The following MYCBP2 variants were observed in gnomAD, a reference collection of about 807,000 sequenced individuals.
The protein encoded by MYCBP2 is E3 ubiquitin-protein ligase MYCBP2.
In MYCBP2, 120 loss-of-function variants were observed where a neutral mutation model predicts 525.3. The ratio of observed to expected loss-of-function variants is 0.23; its 90% CI spans 0.20 to 0.27. The LOEUF (loss-of-function observed/expected upper bound fraction) is 0.27. Ranked by LOEUF, MYCBP2 falls within the 10% of genes least tolerant of loss-of-function variation. The pLI is 1.00. For missense variants in MYCBP2, 4,149 were observed against 5,657.1 expected (o/e 0.73, Z 8.55); for synonymous variants, 1,894 against 1,955.8 (o/e 0.97, Z 0.83).
chr13:77,097,816 C>A lies in MYCBP2; in HGVS notation c.9338G>T (p.Gly3113Val), dbSNP rs758683744. Residue 3113 changes from glycine to valine, a missense_variant, in exon 56 of 83, where the codon GGT (glycine) becomes GTT (valine). This residue lies in a region of MYCBP2 where 653 missense variants were observed against 744.7 expected (regional missense o/e 0.88). Transcript: ENST00000544440. Reference protein sequence around the residue: ...APHGPDISKMGSINKNKVLSM... With the variant: ...APHGPDISKMVSINKNKVLSM... ...CAATACCTTGTTTTTGTTGATGCTA[C>A]CCATCTTAGATATATCTGGTCCATG... 6.2e-7 allele frequency: 1 copy of A among 1,613,660 alleles called. No individual in the cohort carries two copies. Among genetic ancestry groups the A allele is most frequent in the Non-Finnish European group, 8.5e-7 (1 of 1,179,806 alleles).
In MYCBP2 at chr13:77,161,952, T is replaced by C. The variant is rs1566759979; in HGVS notation, c.6551A>G (p.Asn2184Ser). ...MKKDLALPIG[N>S]ELEEDLEILE... ...AATTTCAAGGTCTTCTTCTAATTCA[T>C]TACCTGTTGTGTAAATAAAGAGTTT... Residue 2184 changes from asparagine to serine, a missense_variant, in exon 44 of 83, where the codon AAT becomes AGT. By Grantham distance (46) the Asn-to-Ser change is conservative (BLOSUM62 1). Transcript: ENST00000544440. The C allele has an allele frequency of 2.5e-6, 4 of 1,600,746 alleles. No individual in the cohort carries two copies. The highest frequency in any genetic ancestry group is 1.7e-5 in the Admixed American group (1 of 59,046).
chr13:77,288,479 A>T (rs1393575909), intron 2 of MYCBP2, 103 bp from the exon 3 acceptor site: 1 of 988,756 alleles, frequency 1.0e-6, no homozygotes, highest in African/African-American at 1.6e-5. Flanking sequence ...CTTGCAGAAG[A>T]CACATTATGT....
intron 4 of MYCBP2, among the ~76,000 whole-genome samples, chr13:77,275,215 G>C (rs939992639): frequency 2.6e-5 from 4 of 152,130 alleles, no homozygotes; most frequent in African/African-American, 9.7e-5. Context: ...AAGAAAATAA[G>C]GCTATTTAAA....
In MYCBP2 at chr13:77,326,789, G is replaced by A. The variant is rs1262722760; in HGVS notation, c.-14C>T. 4 of 1,398,498 alleles carry A rather than the reference G, an allele frequency of 2.9e-6. No homozygotes were observed. The highest frequency in any genetic ancestry group is 1.6e-5 in the South Asian group (1 of 62,450). 86.6% of individuals were successfully genotyped at this position (1,398,498 alleles called of 1,614,324 possible). The stretch of plus-strand genomic sequence containing the variant: ...GCACATCATCATCCTCGCCGCCGCC[G>A]CCGCCGCCGCCGCCTCGTCCCCGCG... On this transcript the variant is annotated 5_prime_UTR_variant, in exon 1 of 83. Transcript: ENST00000544440. The surrounding 1 kb of genome is among the most constrained non-coding windows in gnomAD (Gnocchi z 4.2).
At chr13:77,299,543 T>C (rs2078549977) in intron 1 of MYCBP2, among the ~76,000 whole-genome samples, 1 of 152,186 alleles carries the variant, frequency 6.6e-6, no homozygotes, top group African/African-American at 2.4e-5. Context: ...GTATTCAACA[T>C]TGGAAAATTT....
intron 1 of MYCBP2, among the ~76,000 whole-genome samples, chr13:77,308,434 G>C (rs1011428017): frequency 3.3e-5 from 5 of 152,156 alleles, no homozygotes; most frequent in Non-Finnish European, 7.4e-5. Flanking sequence ...TACAAGCTCT[G>C]TCATTTACCA....
At chr13:77,166,591 T>G in intron 40 of MYCBP2, 37 bp from the exon 41 acceptor site, 1 of 1,431,480 alleles carries the variant, frequency 7.0e-7, no homozygotes, top group Non-Finnish European at 9.7e-7. Context: ...AATACAGATA[T>G]ATATATACAC....
At chr13:77,207,447 C>T (rs372689241) in intron 23 of MYCBP2, among the ~76,000 whole-genome samples, 284 of 152,162 alleles carry the variant, frequency 1.9e-3, no homozygotes, top group African/African-American at 6.6e-3. Flanking sequence ...TTTTAGGGGT[C>T]GGGAAGTGAG....
intron 36 of MYCBP2, 47 bp from the exon 37 acceptor site, chr13:77,174,536 G>T (rs1424505726): frequency 6.9e-7 from 1 of 1,454,910 alleles, no homozygotes; most frequent in African/African-American, 1.4e-5. Flanking sequence ...ATGTACAGAG[G>T]ATATATAAAA....
At chr13:77,164,152 G>A (rs1214136466) in intron 43 of MYCBP2, among the ~76,000 whole-genome samples, 3 of 152,044 alleles carry the variant, frequency 2.0e-5, no homozygotes, top group Non-Finnish European at 4.4e-5. Context: ...GAAATATCTA[G>A]AACTTTTGGT....
chr13:77,145,931 C>T (rs753490246), intron 48 of MYCBP2, among the ~76,000 whole-genome samples: 1 of 151,638 alleles, frequency 6.6e-6, no homozygotes, highest in Non-Finnish European at 1.5e-5. Flanking sequence ...ACTTTACATA[C>T]CTATTTTCAC....
At chr13:77,303,169 C>A (rs2078993712) in intron 1 of MYCBP2, among the ~76,000 whole-genome samples, 1 of 152,178 alleles carries the variant, frequency 6.6e-6, no homozygotes, top group South Asian at 2.1e-4. Context: ...ACCGTCTCTA[C>A]TAAAAATACA....
intron 59 of MYCBP2, 117 bp downstream of exon 59, chr13:77,093,048 A>C: frequency 1.0e-6 from 1 of 971,640 alleles, no homozygotes; most frequent in Non-Finnish European, 1.5e-6. Context: ...CTGCTCCAGC[A>C]GTTAGCAAAA....
Position 77,211,900 on chromosome 13 carries a change from T to A in MYCBP2, c.3262+56A>T, listed in dbSNP as rs2064065929. The A allele has an allele frequency of 3.0e-6, 4 of 1,352,206 alleles. No individual in the cohort carries two copies. The South Asian group carries it at 4.9e-5, about 17-fold the overall frequency. 83.8% of individuals were successfully genotyped at this position (1,352,206 alleles called of 1,614,324 possible). A position where few individuals can be genotyped will look rare whatever the true frequency, so the allele number is the denominator to read the frequency against. ...TTCATTAAAGGGAAAGATAAACCAT[T>A]TACTATCAATCAAGACAAGAGTTTG... On this transcript the variant is annotated intron_variant, in intron 22 of 82. Coordinates refer to ENST00000544440, the MANE Select transcript of MYCBP2 (RefSeq NM_015057.5).
intron 3 of MYCBP2, among the ~76,000 whole-genome samples, chr13:77,285,007 T>C (rs1426641369): frequency 6.6e-6 from 1 of 152,234 alleles, no homozygotes; most frequent in Non-Finnish European, 1.5e-5. Context: ...GAAAATTCAG[T>C]ATTAATCACT....
At chr13:77,206,598 A>G (rs961849011) in intron 24 of MYCBP2, 55 bp downstream of exon 24, 6 of 1,431,022 alleles carry the variant, frequency 4.2e-6, no homozygotes, top group Non-Finnish European at 5.6e-6. Flanking sequence ...CTAAAAAAAA[A>G]CCCTGGACAG....
chr13:77,107,241 T>C (rs559813261), intron 55 of MYCBP2, among the ~76,000 whole-genome samples: 2 of 152,144 alleles, frequency 1.3e-5, no homozygotes, highest in Non-Finnish European at 2.9e-5. Context: ...TCTAACTTTA[T>C]AGTTGAGGAT....
intron 21 of MYCBP2, among the ~76,000 whole-genome samples, chr13:77,214,167 AGGT>A (rs2064450573): frequency 6.6e-6 from 1 of 152,238 alleles, no homozygotes; most frequent in South Asian, 2.1e-4. Flanking sequence ...CACAAATTAA[AGGT>A]ACCACAACAC....
Position 77,168,440 on chromosome 13 carries a change from C to T in MYCBP2, c.6102G>A (p.Val2034=), listed in dbSNP as rs2058768339. 3 of 1,613,996 alleles carry T rather than the reference C, an allele frequency of 1.9e-6. No individual in the cohort carries two copies. Among genetic ancestry groups the T allele is most frequent in the Non-Finnish European group, 2.5e-6 (3 of 1,179,940 alleles). The change falls in exon 40 of 83, where the codon GTG becomes GTA. Residue 2034 remains valine, a synonymous_variant. Transcript: ENST00000544440. The part of the protein sequence containing the change: ...ESEHPYKPAC[V]MHYKVTFPEC... ...AACCGGTGCCTACCTTGTAATGCAT[C>T]ACACAGGCAGGTTTATACGGGTGCT...
Sources: gnomAD v4.1 joint callset for allele counts (sites outside exome capture counted in the v4.1 genomes callset) on GRCh38, gnomAD v4.1.1 for gene constraint, gnomAD v4.1.1 regional missense constraint, Gnocchi (gnomAD v3.1) non-coding constraint, MANE v1.5 for transcripts, NCBI Gene and HGNC (gene_info 2026-07-23, HGNC 2026-07-21) for gene names.